The following RXFP1 variants were observed in gnomAD, a reference collection of about 807,000 sequenced individuals.
RXFP1 encodes the protein relaxin family peptide receptor 1.
Under a neutral mutation model 89.8 loss-of-function variants are expected in RXFP1, and 73 were observed. The observed-to-expected ratio is 0.81, with a 90% CI of 0.67 to 0.99. The LOEUF (loss-of-function observed/expected upper bound fraction) is 0.99, where lower values mean the gene tolerates loss of function less well. RXFP1 is among the 50% of genes least tolerant of loss of function. RXFP1 has a pLI of 0.00. For missense variants in RXFP1, 793 were observed against 895.5 expected, an observed-to-expected ratio of 0.89 and a Z score of 1.46; for synonymous variants, 277 against 305.5, an observed-to-expected ratio of 0.91 and a Z score of 0.97.
At chr4:158,531,935 G>A (rs891979300) in intron 1 of RXFP1, among the ~76,000 whole-genome samples, 1 of 150,886 alleles carries the variant, frequency 6.6e-6, no homozygotes, top group Non-Finnish European at 1.5e-5. Flanking sequence ...TTGTTTGTTT[G>A]TTTGTTTGTT....
At chr4:158,599,291 C>T in intron 3 of RXFP1, 35 bp from the exon 4 acceptor site, 7 of 1,613,150 alleles carry the variant, frequency 4.3e-6, no homozygotes, top group Non-Finnish European at 5.9e-6. Flanking sequence ...TGGTCCCTCA[C>T]TGTCATCATG....
intron 17 of RXFP1, 97 bp downstream of exon 17, chr4:158,648,814 A>T: frequency 6.5e-6 from 5 of 772,890 alleles, no homozygotes; most frequent in African/African-American, 1.8e-5. Context: ...TAAACAATTC[A>T]AAGAATTGTA....
intron 9 of RXFP1, among the ~76,000 whole-genome samples, chr4:158,619,036 A>G (rs921214063): frequency 1.3e-5 from 2 of 152,138 alleles, no homozygotes; most frequent in African/African-American, 4.8e-5. Context: ...GGAATACATA[A>G]TAGTGCAAAG....
intron 14 of RXFP1, among the ~76,000 whole-genome samples, chr4:158,640,677 G>A (rs1429820462): frequency 2.0e-5 from 3 of 152,100 alleles, no homozygotes; most frequent in Admixed American, 6.5e-5. Flanking sequence ...TCCAACATTG[G>A]GAATCAACTT....
At chr4:158,621,026 T>C (rs555941708) in intron 9 of RXFP1, among the ~76,000 whole-genome samples, 1 of 152,164 alleles carries the variant, frequency 6.6e-6, no homozygotes, top group East Asian at 1.9e-4. Context: ...TAATCCCAGC[T>C]ACTCGGGAGG....
intron 1 of RXFP1, among the ~76,000 whole-genome samples, chr4:158,561,631 T>C (rs10019251): frequency 2.1e-5 from 3 of 142,926 alleles, no homozygotes; most frequent in African/African-American, 2.6e-5. Flanking sequence ...TTTTTCTTTT[T>C]TTTTTTTTTT....
chr4:158,610,677 GC>G (rs1365807039), intron 6 of RXFP1: 1 of 1,289,488 alleles, frequency 7.8e-7, no homozygotes, highest in African/African-American at 1.5e-5. Context: ...AGAGGACTGG[GC>G]AAAACAGGTG....
At chr4:158,573,338 T>G (rs1296849937) in intron 2 of RXFP1, among the ~76,000 whole-genome samples, 1 of 152,190 alleles carries the variant, frequency 6.6e-6, no homozygotes, top group African/African-American at 2.4e-5. Flanking sequence ...TGTAATGGTA[T>G]CACAGCCAAT....
At chr4:158,585,885 T>C (rs1758215532) in intron 2 of RXFP1, among the ~76,000 whole-genome samples, 1 of 152,226 alleles carries the variant, frequency 6.6e-6, no homozygotes, top group Non-Finnish European at 1.5e-5. Flanking sequence ...TTTGAGTGTC[T>C]TAAACTACTT....
At chr4:158,526,947 C>T (rs1013887071) in intron 1 of RXFP1, among the ~76,000 whole-genome samples, 5 of 152,132 alleles carry the variant, frequency 3.3e-5, no homozygotes, top group Admixed American at 1.3e-4. Context: ...TCCCATGTTG[C>T]TCCAGGAACT....
chr4:158,624,593 A>G (rs1273959465), intron 9 of RXFP1, among the ~76,000 whole-genome samples: 3 of 152,166 alleles, frequency 2.0e-5, no homozygotes, highest in Non-Finnish European at 2.9e-5. Context: ...AGAAATAAAA[A>G]TAAAAAAACC....
At chr4:158,527,564 A>AAAATATATATATACATAT (rs5741905) in intron 1 of RXFP1, among the ~76,000 whole-genome samples, 1 of 98,338 alleles carries the variant, frequency 1.0e-5, no homozygotes, top group South Asian at 4.2e-4. Flanking sequence ...AAAAAAAAAA[A>AAAATATATATATACATAT]ATATATATAT....
rs1561040325 is a variant in RXFP1 at position 158,572,729 on chromosome 4, C to T, written c.81C>T (p.Cys27=). ...ATGGGGGTGGACAGGATGTCAAGTG[C>T]TCCCTTGGCTATTTCCCCTGTGGGA... The part of the protein sequence containing the change: ...FSHGGGQDVK[C]SLGYFPCGNI... Residue 27 remains cysteine (C), a synonymous_variant, in exon 2 of 18, where the codon TGC becomes TGT. Transcript: ENST00000307765. 5 of 1,614,174 alleles carry T rather than the reference C, an allele frequency of 3.1e-6. No individual in the cohort carries two copies. Among genetic ancestry groups the T allele is most frequent in the Non-Finnish European group, 4.2e-6 (5 of 1,180,012 alleles).
Position 158,594,287 on chromosome 4 carries a change from T to C in RXFP1, c.286+788T>C, listed in dbSNP as rs1315998642. ...GACCCTCAGCTTATTCAGGGCCCTGTTCAAATCAAAGAAGACTGCAGTGAT... is the reference window on the plus strand; with the variant it reads ...GACCCTCAGCTTATTCAGGGCCCTGCTCAAATCAAAGAAGACTGCAGTGAT... On this transcript the variant is annotated intron_variant, in intron 3 of 17. Coordinates refer to ENST00000307765, the MANE Select transcript of RXFP1 (RefSeq NM_021634.4). Among the ~76,000 whole-genome samples, 8 of 152,272 alleles carry C rather than the reference T, an allele frequency of 5.3e-5. No individual in the cohort carries two copies. The East Asian group carries it at 1.4e-3, about 26-fold the overall frequency.
At chr4:158,637,083 T>G (rs755846834) in intron 12 of RXFP1, among the ~76,000 whole-genome samples, 3 of 152,224 alleles carry the variant, frequency 2.0e-5, no homozygotes, top group Non-Finnish European at 4.4e-5. Flanking sequence ...TTTTCTGTGT[T>G]TTTTAAGGCT....
At position 158,544,122 on chromosome 4, in the gene RXFP1, C is replaced by G. The variant is rs1560977617; in HGVS notation, c.49+22097C>G. On this transcript the variant is annotated intron_variant, in intron 1 of 17. Coordinates refer to ENST00000307765, the MANE Select transcript of RXFP1 (RefSeq NM_021634.4). ...ATCTTTTTATTTTTTTAATTTACTT[C>G]CTAAATATAAATGAAGGAGAATCTA... The G allele has an allele frequency of 3.1e-6, 3 of 980,114 alleles. No individual in the cohort carries two copies. The Admixed American group carries it at 1.8e-4, about 60-fold the overall frequency. 60.7% of individuals were successfully genotyped at this position (980,114 alleles called of 1,614,324 possible). A position where few individuals can be genotyped will look rare whatever the true frequency, so the allele number is the denominator to read the frequency against.
In RXFP1 at chr4:158,647,886, C is replaced by T. The variant is rs574610470; in HGVS notation, c.1757-613C>T. 1.1e-4 allele frequency among the ~76,000 whole-genome samples: 16 copies of T among 152,078 alleles called. No homozygotes were observed. The East Asian group carries it at 1.7e-3, about 17-fold the overall frequency. ...GAAAAATTAGCCGGGCATGGTGGCA[C>T]GCACCTGTAGTCCCAGCTACTCGGG... On this transcript the variant is annotated intron_variant, in intron 16 of 17. Transcript: ENST00000307765.
intron 3 of RXFP1, among the ~76,000 whole-genome samples, chr4:158,594,980 A>G (rs1579916412): frequency 2.0e-5 from 3 of 152,154 alleles, no homozygotes; most frequent in Non-Finnish European, 2.9e-5. Context: ...TTATTTTTCT[A>G]AGGTTGCATT....
chr4:158,580,457 T>C (rs965370303), intron 2 of RXFP1, among the ~76,000 whole-genome samples: 8 of 152,196 alleles, frequency 5.3e-5, no homozygotes, highest in African/African-American at 1.9e-4. Context: ...AGTTCAACTT[T>C]GCCAGCACTT....
Sources: allele counts gnomAD v4.1 joint callset (sites outside exome capture counted in the v4.1 genomes callset), GRCh38; gene constraint gnomAD v4.1.1; transcripts MANE v1.5; gene names NCBI Gene and HGNC (gene_info 2026-07-23, HGNC 2026-07-21).